Variants in DPYD observed in about 807,000 individuals in gnomAD.
The protein encoded by DPYD is dihydropyrimidine dehydrogenase [NADP(+)].
A neutral mutation model predicts 116.2 loss-of-function variants in DPYD; 109 were observed. The observed-to-expected ratio is 0.94, with a 90% confidence interval of 0.80 to 1.10. The LOEUF is 1.10. Ranked by LOEUF, DPYD falls within the 50% of genes least tolerant of loss-of-function variation. The pLI is 0.00. For missense variants in DPYD, 1,302 were observed against 1,254.5 expected (o/e 1.04, Z -0.57); for synonymous variants, 440 against 432.0 (o/e 1.02, Z -0.23).
intron 2 of DPYD, among the ~76,000 whole-genome samples, chr1:97,872,500 A>T (rs976266244): frequency 1.3e-5 from 2 of 151,976 alleles, no homozygotes; most frequent in Non-Finnish European, 2.9e-5. Context: ...GCATTTTTGT[A>T]ACAGCCTCAG....
chr1:97,824,223 C>A (rs540313494), intron 3 of DPYD, among the ~76,000 whole-genome samples: 28 of 152,058 alleles, frequency 1.8e-4, no homozygotes, highest in Non-Finnish European at 2.8e-4. Flanking sequence ...TCAAATTATA[C>A]TTTTTAGTTT....
chr1:97,647,516 A>C (rs1047155169), intron 8 of DPYD, among the ~76,000 whole-genome samples: 10 of 152,102 alleles, frequency 6.6e-5, no homozygotes, highest in Admixed American at 3.9e-4. Flanking sequence ...GTTTTACTAA[A>C]AGCAGACAAC....
At chr1:97,405,494 C>CTTTA (rs536265548) in intron 14 of DPYD, among the ~76,000 whole-genome samples, 91 of 151,674 alleles carry the variant, frequency 6.0e-4, no homozygotes, top group African/African-American at 1.8e-3. Context: ...TCTCTGAATA[C>CTTTA]TTTATTTATT....
intron 20 of DPYD, among the ~76,000 whole-genome samples, chr1:97,117,728 G>T (rs1043088712): frequency 1.3e-5 from 2 of 152,082 alleles, no homozygotes; most frequent in African/African-American, 4.8e-5. Flanking sequence ...GTTGGTCAAG[G>T]TTCATAAATT....
chr1:97,370,754 A>T (rs922075548), intron 16 of DPYD, among the ~76,000 whole-genome samples: 6 of 152,314 alleles, frequency 3.9e-5, no homozygotes, highest in Non-Finnish European at 8.8e-5. Context: ...TTCAAATCCC[A>T]TATTTTAGAG....
At chr1:97,823,903 A>T (rs1669097834) in intron 3 of DPYD, among the ~76,000 whole-genome samples, 1 of 150,358 alleles carries the variant, frequency 6.7e-6, no homozygotes, top group South Asian at 2.1e-4. Flanking sequence ...AACAGCAAAA[A>T]CAAACAAGTA....
At chr1:97,510,389 T>C (rs1256308939) in intron 13 of DPYD, among the ~76,000 whole-genome samples, 1 of 151,938 alleles carries the variant, frequency 6.6e-6, no homozygotes. Flanking sequence ...GACTGTATCG[T>C]TTTGTGTTGG....
At chr1:97,096,968 G>C (rs1053222284) in intron 21 of DPYD, among the ~76,000 whole-genome samples, 5 of 152,060 alleles carry the variant, frequency 3.3e-5, no homozygotes, top group African/African-American at 9.7e-5. Context: ...TGAACCCCTG[G>C]GCAGGAACCA....
chr1:97,389,787 C>A (rs1411102953), intron 14 of DPYD, among the ~76,000 whole-genome samples: 1 of 150,648 alleles, frequency 6.6e-6, no homozygotes, highest in Non-Finnish European at 1.5e-5. Context: ...TGATAATTTA[C>A]TAATCAAATT....
rs565647188 is a variant in DPYD, at chr1:97,151,550, C to A, written c.2622+41519G>T. Among the ~76,000 whole-genome samples, 290 of 152,234 alleles carry A rather than the reference C, an allele frequency of 1.9e-3. 1 individual carries two copies. The highest frequency in any genetic ancestry group is 6.5e-3 in the African/African-American group (269 of 41,540). On this transcript the variant is annotated intron_variant, in intron 20 of 22. Transcript: ENST00000370192. ...ATTAGCCAGGCATGGTGGTGGGCGCCTGTAATCCCAGCTACTCGGCAGGCT... is the reference window on the plus strand; with the variant it reads ...ATTAGCCAGGCATGGTGGTGGGCGCATGTAATCCCAGCTACTCGGCAGGCT...
At chr1:97,606,850 C>CAGGATTACT (rs1655632434) in intron 8 of DPYD, among the ~76,000 whole-genome samples, 1 of 151,850 alleles carries the variant, frequency 6.6e-6, no homozygotes, top group African/African-American at 2.4e-5. Flanking sequence ...TCTTCTTAAC[C>CAGGATTACT]AGGATTACTA....
At chr1:97,796,482 A>T (rs1667575170) in intron 3 of DPYD, among the ~76,000 whole-genome samples, 1 of 152,158 alleles carries the variant, frequency 6.6e-6, no homozygotes, top group Non-Finnish European at 1.5e-5. Flanking sequence ...AGAAGTGAAC[A>T]TCCTAATTAT....
intron 13 of DPYD, among the ~76,000 whole-genome samples, chr1:97,497,124 G>A (rs1679310192): frequency 6.6e-6 from 1 of 151,886 alleles, no homozygotes; most frequent in South Asian, 2.1e-4. Context: ...GCAGAAGTGA[G>A]CAGGGAACGA....
chr1:97,507,118 A>G (rs1647396215), intron 13 of DPYD, among the ~76,000 whole-genome samples: 2 of 152,134 alleles, frequency 1.3e-5, no homozygotes, highest in South Asian at 4.1e-4. Context: ...GTCCCATAGG[A>G]GTACTATATG....
chr1:97,217,658 T>A (rs1364730938), intron 19 of DPYD, among the ~76,000 whole-genome samples: 1 of 151,864 alleles, frequency 6.6e-6, no homozygotes, highest in Non-Finnish European at 1.5e-5. Context: ...AAGTAATAAC[T>A]GTCAACCGCA....
At chr1:97,082,533 T>C in intron 21 of DPYD, 63 bp from the exon 22 acceptor site, 1 of 1,578,866 alleles carries the variant, frequency 6.3e-7, no homozygotes, top group East Asian at 2.2e-5. Context: ...TAATAATTAA[T>C]ATCACTCAGC....
chr1:97,655,845 G>T (rs1173959385), intron 8 of DPYD, among the ~76,000 whole-genome samples: 3 of 152,156 alleles, frequency 2.0e-5, no homozygotes, highest in Non-Finnish European at 4.4e-5. Flanking sequence ...GACGTTAAAG[G>T]TTCTTTTTGA....
chr1:97,683,381 G>C (rs1004679830), intron 7 of DPYD, among the ~76,000 whole-genome samples: 4 of 151,540 alleles, frequency 2.6e-5, no homozygotes, highest in Non-Finnish European at 5.9e-5. Context: ...TGTTATAAGA[G>C]GTTATTAAGA....
chr1:97,868,813 A>T (rs113525348), intron 2 of DPYD, among the ~76,000 whole-genome samples: 6 of 151,882 alleles, frequency 4.0e-5, no homozygotes, highest in African/African-American at 1.4e-4. Context: ...TAAAAATAAA[A>T]CACCTCTATC....
Sources: allele counts gnomAD v4.1 joint callset (sites outside exome capture counted in the v4.1 genomes callset), GRCh38; gene constraint gnomAD v4.1.1; transcripts MANE v1.5; gene names NCBI Gene and HGNC (gene_info 2026-07-23, HGNC 2026-07-21).